The following SYTL4 variants were observed in gnomAD, a reference collection of about 807,000 sequenced individuals.
SYTL4 encodes the protein synaptotagmin like 4.
In SYTL4, 16 loss-of-function variants were observed where a neutral mutation model predicts 52.7. That is an observed-to-expected ratio of 0.30 (90% CI 0.21 to 0.46). The LOEUF (loss-of-function observed/expected upper bound fraction) is 0.46, where lower values mean the gene tolerates loss of function less well. Among genes scored for constraint, SYTL4 ranks in the 20% least tolerant of loss-of-function variants. The pLI is 1.00. For synonymous variants in SYTL4, 160 were observed against 186.6 expected (o/e 0.86, Z 1.16); for missense variants, 423 against 519.9 (o/e 0.81, Z 1.81).
At chrX:100,727,501 C>T (rs1263909531) in intron 2 of SYTL4, among the ~76,000 whole-genome samples, 5 of 112,819 alleles carry the variant, frequency 4.4e-5, no homozygotes, top group African/African-American at 1.6e-4. Context: ...AAAGGGTAAA[C>T]CCTCTTAGAT....
intron 2 of SYTL4, among the ~76,000 whole-genome samples, 159 bp from the exon 3 acceptor site, chrX:100,705,045 T>C: frequency 9.0e-6 from 1 of 111,631 alleles, no homozygotes; most frequent in Non-Finnish European, 1.9e-5. Context: ...GGAAGTGTTC[T>C]TAGTTCTTAT....
chrX:100,692,938 T>C (rs1161533082), intron 8 of SYTL4, among the ~76,000 whole-genome samples: 1 of 111,622 alleles, frequency 9.0e-6, no homozygotes, highest in Admixed American at 9.6e-5. Flanking sequence ...TTTATTTTTA[T>C]TTTTTATGTT....
At position 100,730,352 on chromosome X, in the gene SYTL4, AT is replaced by A. The variant is rs1428907170; in HGVS notation, c.-240+1065del. 5.4e-5 allele frequency among the ~76,000 whole-genome samples: 6 copies of A among 110,939 alleles called. No homozygotes were observed. The East Asian group carries it at 1.4e-3, about 26-fold the overall frequency. ...AACATATACTTGGGCTTGGAAGACA[AT>A]TTTTTAATCACTTAGTCCTCATCCA... is the stretch of plus-strand genomic sequence containing the variant. On this transcript the variant is annotated intron_variant, in intron 2 of 19. Coordinates refer to ENST00000372989, the MANE Select transcript of SYTL4 (RefSeq NM_001370165.1).
chrX:100,697,332 G>A (rs112400531), intron 8 of SYTL4, among the ~76,000 whole-genome samples: 4,608 of 112,006 alleles, frequency 0.041, 237 homozygotes, highest in African/African-American at 0.14. Flanking sequence ...GCAATATTCA[G>A]TCCTTAAACT....
intron 2 of SYTL4, among the ~76,000 whole-genome samples, chrX:100,716,267 C>T (rs926771631): frequency 3.0e-4 from 32 of 106,704 alleles, no homozygotes; most frequent in Non-Finnish European, 5.6e-4. Flanking sequence ...CTGACCAACA[C>T]GGAGAAACTC....
intron 2 of SYTL4, among the ~76,000 whole-genome samples, chrX:100,726,773 T>C (rs1298700781): frequency 2.7e-5 from 3 of 111,814 alleles, no homozygotes; most frequent in Non-Finnish European, 5.6e-5. Flanking sequence ...GCTTCTTCAA[T>C]GTATATACTA....
In SYTL4 at chrX:100,701,590, C is replaced by T. The variant is rs201221018; in HGVS notation, c.194G>A (p.Arg65Gln). ...SQHYSDRTCA[R>Q]CQESLGRLSP... is the part of the protein sequence containing the mutation. Reference sequence around the variant, plus strand: ...CAAACGGCCCAGGCTCTCCTGGCACCGGGCACAGGTCCGATCACTGTAGTG... The same window carrying T: ...CAAACGGCCCAGGCTCTCCTGGCACTGGGCACAGGTCCGATCACTGTAGTG... The change falls in exon 6 of 20, where the codon CGG becomes CAG. Residue 65 changes from arginine to glutamine, a missense_variant. Transcript: ENST00000372989. The T allele has an allele frequency of 1.8e-5, 22 of 1,209,683 alleles. No homozygotes were observed. In the East Asian group the frequency reaches 2.1e-4, roughly 11 times the overall value.
intron 2 of SYTL4, among the ~76,000 whole-genome samples, chrX:100,723,805 C>T (rs12389294): frequency 0.019 from 2,032 of 108,887 alleles, 54 homozygotes; most frequent in African/African-American, 0.065. Context: ...TCCCTCCGCC[C>T]GGCAGCCACC....
intron 16 of SYTL4, among the ~76,000 whole-genome samples, chrX:100,681,650 G>A (rs1455404043): frequency 4.5e-5 from 5 of 111,853 alleles, no homozygotes; most frequent in East Asian, 2.8e-4. Context: ...ACAAACTCAC[G>A]AAGGACTGAC....
intron 19 of SYTL4, among the ~76,000 whole-genome samples, chrX:100,676,649 T>C (rs2083283207): frequency 9.0e-6 from 1 of 110,852 alleles, no homozygotes; most frequent in Non-Finnish European, 1.9e-5. Flanking sequence ...CACGCCCAGC[T>C]AATTTTTTTG....
At chrX:100,698,318 T>C (rs186247620) in intron 8 of SYTL4, among the ~76,000 whole-genome samples, 1,539 of 111,213 alleles carry the variant, frequency 0.014, 21 homozygotes, top group African/African-American at 0.047. Context: ...TTAGCCAGGA[T>C]GGTCTCGATC....
chrX:100,682,214 G>A (rs2083386827), intron 16 of SYTL4, among the ~76,000 whole-genome samples: 1 of 111,388 alleles, frequency 9.0e-6, no homozygotes, highest in African/African-American at 3.3e-5. Context: ...GAAAAACCCA[G>A]GATACGAACA....
At chrX:100,683,832 T>C (rs1249917751) in intron 16 of SYTL4, among the ~76,000 whole-genome samples, 1 of 112,131 alleles carries the variant, frequency 8.9e-6, no homozygotes, top group African/African-American at 3.2e-5. Flanking sequence ...GGCATATTTG[T>C]TTTAGTAGCA....
intron 17 of SYTL4, among the ~76,000 whole-genome samples, chrX:100,680,778 G>A (rs1375047071): frequency 9.0e-6 from 1 of 111,717 alleles, no homozygotes; most frequent in Non-Finnish European, 1.9e-5. Flanking sequence ...GCACATGACT[G>A]TCTTTCTTGC....
At chrX:100,684,362 C>T (rs1311484932) in intron 16 of SYTL4, among the ~76,000 whole-genome samples, 1 of 111,859 alleles carries the variant, frequency 8.9e-6, no homozygotes, top group Non-Finnish European at 1.9e-5. Flanking sequence ...ATTCCACCAA[C>T]AGGAACTTCT....
Position 100,675,732 on chromosome X carries a change from C to A in SYTL4, c.*296G>T. On this transcript the variant is annotated 3_prime_UTR_variant, in exon 20 of 20. Coordinates refer to ENST00000372989, the MANE Select transcript of SYTL4 (RefSeq NM_001370165.1). Reference sequence around the variant, plus strand: ...AAAGCTGTTTTTAAGTTAAGTGAACCTTATAAAGACATAAGAAAAAATGGA... The same window carrying A: ...AAAGCTGTTTTTAAGTTAAGTGAACATTATAAAGACATAAGAAAAAATGGA... The A allele has an allele frequency of 4.5e-6, 1 of 222,401 alleles. No individual in the cohort carries two copies. Among genetic ancestry groups the A allele is most frequent in the Non-Finnish European group, 8.1e-6 (1 of 123,743 alleles). 18.3% of individuals were successfully genotyped at this position (222,401 alleles called of 1,213,427 possible).
intron 8 of SYTL4, among the ~76,000 whole-genome samples, chrX:100,695,750 C>T (rs1344173212): frequency 1.8e-5 from 2 of 111,907 alleles, no homozygotes; most frequent in Non-Finnish European, 3.8e-5. Flanking sequence ...AAGTGTGCAA[C>T]GTGACATTTT....
intron 16 of SYTL4, chrX:100,684,596 A>G (rs2083440887): frequency 9.0e-6 from 1 of 111,725 alleles, no homozygotes; most frequent in Non-Finnish European, 1.9e-5. Context: ...AATGTGTACA[A>G]TGAGGTCCAT....
At position 100,701,342 on chromosome X, in the gene SYTL4, A is replaced by C. The variant is rs2083846401; in HGVS notation, c.327-13T>G. 1 of 1,184,763 alleles carries C rather than the reference A, an allele frequency of 8.4e-7. No homozygotes were observed. The highest frequency in any genetic ancestry group is 1.8e-5 in the African/African-American group (1 of 56,912). ...TTTCTTCAACTCTCTGGGAAGAAAT[A>C]AAAGAAAATGACAGATGGATAAAGA... On this transcript the variant is annotated splice_polypyrimidine_tract_variant and intron_variant, in intron 6 of 19. Coordinates refer to ENST00000372989, the MANE Select transcript of SYTL4 (RefSeq NM_001370165.1).
Sources: gnomAD v4.1 joint callset for allele counts (sites outside exome capture counted in the v4.1 genomes callset) on GRCh38, gnomAD v4.1.1 for gene constraint, MANE v1.5 for transcripts, NCBI Gene and HGNC (gene_info 2026-07-23, HGNC 2026-07-21) for gene names.